The following STK3 variants were observed in gnomAD, a reference collection of about 807,000 sequenced individuals.
STK3 encodes serine/threonine-protein kinase 3.
A neutral mutation model predicts 58.0 loss-of-function variants in STK3; 41 were observed. The ratio of observed to expected loss-of-function variants is 0.71; its 90% CI spans 0.55 to 0.92. The LOEUF (loss-of-function observed/expected upper bound fraction) is 0.92, where lower values mean the gene tolerates loss of function less well. Among genes scored for constraint, STK3 ranks in the 40% least tolerant of loss-of-function variants. STK3 has a pLI of 0.00. For synonymous variants in STK3, 170 were observed against 191.0 expected (o/e 0.89, Z 0.91); for missense variants, 479 against 602.7 (o/e 0.79, Z 2.15).
chr8:98,613,613 C>G (rs183851079), intron 6 of STK3, among the ~76,000 whole-genome samples: 41 of 151,004 alleles, frequency 2.7e-4, no homozygotes, highest in Middle Eastern at 3.4e-3. Flanking sequence ...CAAAAGAAAA[C>G]TCTTAAAAAA....
intron 10 of STK3, among the ~76,000 whole-genome samples, chr8:98,516,773 T>C (rs1824961571): frequency 6.6e-6 from 1 of 152,060 alleles, no homozygotes; most frequent in South Asian, 2.1e-4. Context: ...GATCTTTCAT[T>C]AGCAAAGATA....
At chr8:98,636,282 C>T (rs1819612903) in intron 6 of STK3, among the ~76,000 whole-genome samples, 2 of 152,068 alleles carry the variant, frequency 1.3e-5, no homozygotes, top group African/African-American at 4.8e-5. Context: ...GATTCTACCA[C>T]TGCAATTATA....
chr8:98,933,727 G>A (rs1172698485), intron 1 of STK3, among the ~76,000 whole-genome samples: 1 of 152,104 alleles, frequency 6.6e-6, no homozygotes, highest in African/African-American at 2.4e-5. Flanking sequence ...ACTCAAACTT[G>A]CCCCAAGCCA....
At chr8:98,687,117 G>C (rs1425682691) in intron 6 of STK3, among the ~76,000 whole-genome samples, 1 of 152,100 alleles carries the variant, frequency 6.6e-6, no homozygotes, top group African/African-American at 2.4e-5. Flanking sequence ...ACTATTCCCA[G>C]GGTACACAGT....
At chr8:98,894,622 C>A (rs1305701797) in intron 1 of STK3, among the ~76,000 whole-genome samples, 1 of 152,216 alleles carries the variant, frequency 6.6e-6, no homozygotes, top group Non-Finnish European at 1.5e-5. Flanking sequence ...GTCCCCAAAT[C>A]TTACTAGAAT....
intron 6 of STK3, among the ~76,000 whole-genome samples, chr8:98,641,281 A>G (rs944520504): frequency 1.3e-5 from 2 of 152,172 alleles, no homozygotes; most frequent in Admixed American, 6.6e-5. Context: ...TAAGCTCAAG[A>G]TCCAAATTAG....
At chr8:98,604,577 T>C (rs866314496) in intron 6 of STK3, among the ~76,000 whole-genome samples, 10 of 152,206 alleles carry the variant, frequency 6.6e-5, no homozygotes, top group Admixed American at 2.6e-4. Context: ...TCATGAAAGC[T>C]ACAGCCCTAC....
intron 7 of STK3, among the ~76,000 whole-genome samples, chr8:98,588,354 A>G (rs940011998): frequency 1.3e-5 from 2 of 151,552 alleles, no homozygotes; most frequent in Admixed American, 6.6e-5. Flanking sequence ...TCCTTCACTT[A>G]TGAAGCTTAG....
chr8:98,807,675 A>T (rs1373954926), intron 1 of STK3, among the ~76,000 whole-genome samples: 1 of 152,230 alleles, frequency 6.6e-6, no homozygotes, highest in Non-Finnish European at 1.5e-5. Flanking sequence ...AGAGTAGATA[A>T]ACTCACCAAG....
chr8:98,430,839 A>ATTTT lies in STK3; in HGVS notation n.483+3287_483+3288insAAAA, dbSNP rs1332137314. 9 of 167,230 alleles carry ATTTT rather than the reference A, an allele frequency of 5.4e-5. 1 individual carries two copies. In the Admixed American group the frequency reaches 5.9e-4, roughly 11 times the overall value. 10.4% of individuals were successfully genotyped at this position (167,230 alleles called of 1,614,324 possible). A position where few individuals can be genotyped will look rare whatever the true frequency, so the allele number is the denominator to read the frequency against. The stretch of plus-strand genomic sequence containing the variant: ...AAACTTGAAAAGCTTAATGCTATTC[A>ATTTT]AAAGACCTTCAAGCTTCCAAACTTG... On this transcript the variant is annotated intron_variant and non_coding_transcript_variant, in intron 3 of 3. Coordinates refer to the STK3 transcript ENST00000517832.
rs145256659 is a variant in STK3 at position 98,507,820 on chromosome 8, C to T, written c.1317+18922G>A. ...TTGGAATGTTCTTCCTTCAGATATC[C>T]GGATGGCTCACTCCCTGCTTGGTCC... On this transcript the variant is annotated intron_variant, in intron 10 of 10. Transcript: ENST00000419617. Among the ~76,000 whole-genome samples the T allele has an allele frequency of 9.2e-5, 14 of 152,202 alleles. No homozygotes were observed. The East Asian group carries it at 9.7e-4, about 10-fold the overall frequency.
At chr8:98,730,614 G>A (rs905743979) in intron 4 of STK3, among the ~76,000 whole-genome samples, 1 of 151,504 alleles carries the variant, frequency 6.6e-6, no homozygotes, top group Non-Finnish European at 1.5e-5. Context: ...TACCCGGGAG[G>A]CTGAGGCACG....
Position 98,825,505 on chromosome 8 carries a change from G to T in STK3, c.26+10C>A. The T allele has an allele frequency of 6.9e-7, 1 of 1,454,490 alleles. No homozygotes were observed. 90.1% of individuals were successfully genotyped at this position (1,454,490 alleles called of 1,614,324 possible). On this transcript the variant is annotated intron_variant, in intron 1 of 10. Transcript: ENST00000419617. ...GCTTCCCTCCTTCTTCCCGCTCCCCGATTCGTTACCTCTTAGGCGCCGGCG... is the reference window on the plus strand; with the variant it reads ...GCTTCCCTCCTTCTTCCCGCTCCCCTATTCGTTACCTCTTAGGCGCCGGCG...
At chr8:98,642,078 T>C (rs1820065362) in intron 6 of STK3, among the ~76,000 whole-genome samples, 1 of 152,222 alleles carries the variant, frequency 6.6e-6, no homozygotes, top group Non-Finnish European at 1.5e-5. Flanking sequence ...TTAACTTGTA[T>C]ACACTTTCTA....
At chr8:98,631,882 C>A (rs1037611217) in intron 6 of STK3, among the ~76,000 whole-genome samples, 7 of 152,252 alleles carry the variant, frequency 4.6e-5, no homozygotes, top group South Asian at 2.1e-4. Context: ...TCAGGCTGGT[C>A]TTGAACTCCT....
intron 1 of STK3, among the ~76,000 whole-genome samples, chr8:98,799,986 G>A (rs1297104611): frequency 6.6e-6 from 1 of 152,140 alleles, no homozygotes; most frequent in Non-Finnish European, 1.5e-5. Flanking sequence ...ATCAGCCAGG[G>A]ATAGTACAAG....
At chr8:98,422,106 G>T (rs536549779) in intron 3 of STK3, among the ~76,000 whole-genome samples, 6 of 152,138 alleles carry the variant, frequency 3.9e-5, no homozygotes, top group Non-Finnish European at 7.4e-5. Context: ...GTAGTCAAAT[G>T]GGGGAGTGGC....
chr8:98,787,086 T>C (rs978795244), intron 1 of STK3, among the ~76,000 whole-genome samples: 2 of 141,698 alleles, frequency 1.4e-5, no homozygotes, highest in African/African-American at 2.7e-5. Flanking sequence ...GAAGAATCAC[T>C]TGAACCCAGG....
At chr8:98,919,169 C>A (rs944128124) in intron 1 of STK3, among the ~76,000 whole-genome samples, 2 of 152,136 alleles carry the variant, frequency 1.3e-5, no homozygotes, top group African/African-American at 4.8e-5. Flanking sequence ...AGTTGAGGGA[C>A]CCCTCATATG....
Sources: allele counts gnomAD v4.1 joint callset (sites outside exome capture counted in the v4.1 genomes callset), GRCh38; gene constraint gnomAD v4.1.1; transcripts MANE v1.5; gene names NCBI Gene and HGNC (gene_info 2026-07-23, HGNC 2026-07-21).